Variants in TLR2 observed in about 807,000 individuals in gnomAD.
TLR2 encodes toll like receptor 2.
TLR2 carries 7 observed loss-of-function variants against 9.1 expected under a neutral mutation model. The observed-to-expected ratio is 0.77, with a 90% CI of 0.44 to 1.44. The LOEUF (loss-of-function observed/expected upper bound fraction) is 1.44, where lower values mean the gene tolerates loss of function less well. Among genes scored for constraint, TLR2 ranks in the 40% most tolerant of loss-of-function variants. The probability of loss-of-function intolerance (pLI) is 0.01; values close to 1 mark genes in which losing one functional copy is unlikely to be tolerated. For synonymous variants in TLR2, 317 were observed against 344.6 expected, an observed-to-expected ratio of 0.92 and a Z score of 0.89; for missense variants, 812 against 904.6, an observed-to-expected ratio of 0.90 and a Z score of 1.31.
intron 1 of TLR2, among the ~76,000 whole-genome samples, chr4:153,686,521 AAC>A (rs1462150819): frequency 6.6e-6 from 1 of 152,218 alleles, no homozygotes; most frequent in Non-Finnish European, 1.5e-5. Flanking sequence ...GTATAAAGTG[AAC>A]AGATGCAACC....
chr4:153,710,547 A>C (rs933087778), downstream of TLR2: 45 of 1,520,190 alleles, frequency 3.0e-5, no homozygotes, highest in Non-Finnish European at 3.9e-5. Flanking sequence ...AATATTCATA[A>C]ATGTCATTTG....
intron 1 of TLR2, among the ~76,000 whole-genome samples, chr4:153,686,845 C>T (rs1166114887): frequency 3.3e-5 from 5 of 151,990 alleles, no homozygotes; most frequent in Non-Finnish European, 7.4e-5. Flanking sequence ...AAAGAAAATG[C>T]GAACACAATG....
Position 153,703,825 on chromosome 4 carries a change from A to AGGTAAAGTG in TLR2, c.920_928dup (p.Gly307_Val309dup). 1.2e-6 allele frequency: 2 copies of AGGTAAAGTG among 1,614,044 alleles called. No individual in the cohort carries two copies. The highest frequency in any genetic ancestry group is 1.7e-6 in the Non-Finnish European group (2 of 1,179,960). On this transcript the variant is annotated inframe_insertion, in exon 3 of 3. Transcript: ENST00000642700. ...CTGATAATGACAGAGTTATAGATCCAGGTAAAGTGGAAACGTTAACAATCC... is the reference window on the plus strand; with the variant it reads ...CTGATAATGACAGAGTTATAGATCCAGGTAAAGTGGGTAAAGTGGAAACGTTAACAATCC...
chr4:153,706,292 C>T (rs1737328665), downstream of TLR2, among the ~76,000 whole-genome samples: 3 of 152,154 alleles, frequency 2.0e-5, no homozygotes, highest in Admixed American at 2.0e-4. Context: ...TCTTCCTCAG[C>T]CTCTAACTAC....
At chr4:153,708,398 CAAG>C (rs1737399392), downstream of TLR2, among the ~76,000 whole-genome samples, 1 of 152,172 alleles carries the variant, frequency 6.6e-6, no homozygotes. Flanking sequence ...ACTATAAGCT[CAAG>C]AATCTTGTTT....
Position 153,704,992 on chromosome 4 carries a change from G to A in TLR2, c.2085G>A (p.Lys695=). The change falls in exon 3 of 3, where the codon AAG becomes AAA. Residue 695 remains lysine (K), a synonymous_variant. Transcript: ENST00000642700. The part of the protein sequence containing the change: ...IIDNIIDSIE[K]SHKTVFVLSE... Reference sequence around the variant, plus strand: ...ACAATATCATTGACTCCATTGAAAAGAGCCACAAAACTGTCTTTGTGCTTT... The same window carrying A: ...ACAATATCATTGACTCCATTGAAAAAAGCCACAAAACTGTCTTTGTGCTTT... 6.2e-7 allele frequency: 1 copy of A among 1,613,384 alleles called. No individual in the cohort carries two copies. The highest frequency in any genetic ancestry group is 8.5e-7 in the Non-Finnish European group (1 of 1,180,036).
intron 2 of TLR2, among the ~76,000 whole-genome samples, chr4:153,695,133 TG>T (rs1187625510): frequency 6.6e-6 from 1 of 152,240 alleles, no homozygotes; most frequent in East Asian, 1.9e-4. Flanking sequence ...GCACTAAACA[TG>T]GGCGTGCAGA....
At chr4:153,689,804 C>T (rs1021127351) in intron 2 of TLR2, among the ~76,000 whole-genome samples, 1 of 152,202 alleles carries the variant, frequency 6.6e-6, no homozygotes, top group African/African-American at 2.4e-5. Flanking sequence ...TTAAATTACT[C>T]ATTGTGACTG....
intron 1 of TLR2, among the ~76,000 whole-genome samples, chr4:153,686,615 G>A (rs565378163): frequency 1.2e-4 from 19 of 152,102 alleles, no homozygotes; most frequent in Admixed American, 3.9e-4. Flanking sequence ...GTAGATAAAC[G>A]TTTCACTAAG....
Position 153,702,927 on chromosome 4 carries a change from T to C in TLR2, c.20T>C (p.Met7Thr), listed in dbSNP as rs112806599. The change falls in exon 3 of 3, where the codon ATG (methionine) becomes ACG (threonine). Residue 7 changes from methionine (M) to threonine (T), a missense_variant. Physicochemically the swap from Met to Thr is moderately conservative, Grantham distance 81 (BLOSUM62 -1). Transcript: ENST00000642700. MPHTLW[M>T]VWVLGVIISL... Reference sequence around the variant, plus strand: ...TGGACAATGCCACATACTTTGTGGATGGTGTGGGTCTTGGGGGTCATCATC... The same window carrying C: ...TGGACAATGCCACATACTTTGTGGACGGTGTGGGTCTTGGGGGTCATCATC... The C allele has an allele frequency of 2.5e-6, 4 of 1,611,020 alleles. No individual in the cohort carries two copies. The highest frequency in any genetic ancestry group is 3.4e-6 in the Non-Finnish European group (4 of 1,178,402).
rs749712374 is a variant in TLR2, at chr4:153,704,503, C to G, written c.1596C>G (p.Gly532=). Residue 532 remains glycine (G), a synonymous_variant, in exon 3 of 3, where the codon GGC becomes GGG. Transcript: ENST00000642700. The part of the protein sequence containing the change: ...FHTLKTLEAG[G]NNFICSCEFL... The stretch of plus-strand genomic sequence containing the variant: ...CACTGAAGACTTTGGAAGCTGGTGG[C>G]AATAACTTCATTTGCTCCTGTGAAT... 4.3e-6 allele frequency: 7 copies of G among 1,613,882 alleles called. No individual in the cohort carries two copies. The highest frequency in any genetic ancestry group is 5.9e-6 in the Non-Finnish European group (7 of 1,179,928).
At position 153,704,314 on chromosome 4, in the gene TLR2, C is replaced by G. The variant is rs1255015028; in HGVS notation, c.1407C>G (p.Leu469=). 2 of 1,613,672 alleles carry G rather than the reference C, an allele frequency of 1.2e-6. No homozygotes were observed. The highest frequency in any genetic ancestry group is 2.7e-5 in the African/African-American group (2 of 74,852). Residue 469 remains leucine, a synonymous_variant, in exon 3 of 3, where the codon CTC becomes CTG. Coordinates refer to ENST00000642700, the MANE Select transcript of TLR2 (RefSeq NM_001318789.2). ...TTTTAGATGTTAGCAACAACAATCT[C>G]AATTTATTTTCTTTGAATTTGCCGC... ...LEILDVSNNN[L]NLFSLNLPQL... is the part of the protein sequence containing the mutation.
At position 153,705,414 on chromosome 4, in the gene TLR2, C is replaced by T. The variant is rs1231765030; in HGVS notation, c.*152C>T. ...AAAACTACAAAACTTCAAATTTTGT[C>T]TGGGGTGCTGTTTTATAAACATATG... On this transcript the variant is annotated 3_prime_UTR_variant, in exon 3 of 3. Coordinates refer to ENST00000642700, the MANE Select transcript of TLR2 (RefSeq NM_001318789.2). The T allele has an allele frequency of 2.0e-5, 17 of 863,856 alleles. No homozygotes were observed. In the Middle Eastern group the frequency reaches 1.1e-3, roughly 57 times the overall value. The allele number at this position is 863,856 out of a possible 1,614,324, so 53.5% of individuals were successfully genotyped here.
chr4:153,704,606 C>T lies in TLR2; in HGVS notation c.1699C>T (p.Pro567Ser). Residue 567 changes from proline (P) to serine (S), a missense_variant, in exon 3 of 3, where the codon CCA becomes TCA. Transcript: ENST00000642700. ...DWPANYLCDSPSHVRGQQVQD... is the reference protein window; with the variant it reads ...DWPANYLCDSSSHVRGQQVQD... ...GCCAGCAAATTACCTGTGTGACTCT[C>T]CATCCCATGTGCGTGGCCAGCAGGT... 1 of 1,613,656 alleles carries T rather than the reference C, an allele frequency of 6.2e-7. No individual in the cohort carries two copies. The highest frequency in any genetic ancestry group is 8.5e-7 in the Non-Finnish European group (1 of 1,179,982).
downstream of TLR2, chr4:153,710,482 G>C: frequency 6.2e-7 from 1 of 1,608,736 alleles, no homozygotes; most frequent in Non-Finnish European, 8.5e-7. Flanking sequence ...AAATGTGTGC[G>C]CTCCCAGCTA....
At position 153,684,285 on chromosome 4, in the gene TLR2, G is replaced by C. The variant is rs1470725769; in HGVS notation, c.-238G>C. The stretch of plus-strand genomic sequence containing the variant: ...CTTACTTCCTAGTCCCGGGCAGGCC[G>C]GCTCGGAGGCAGCGAGAAAGCGCAG... On this transcript the variant is annotated 5_prime_UTR_variant, in exon 1 of 3. Transcript: ENST00000642700. 2 of 152,344 alleles carry C rather than the reference G, an allele frequency of 1.3e-5. No individual in the cohort carries two copies. The highest frequency in any genetic ancestry group is 2.9e-5 in the Non-Finnish European group (2 of 68,118). 9.4% of individuals were successfully genotyped at this position (152,344 alleles called of 1,614,324 possible). A position where few individuals can be genotyped will look rare whatever the true frequency, so the allele number is the denominator to read the frequency against.
In TLR2 at chr4:153,703,228, A is replaced by G; in HGVS notation, c.321A>G (p.Leu107=). The G allele has an allele frequency of 6.2e-7, 1 of 1,614,110 alleles. No homozygotes were observed. Among genetic ancestry groups the G allele is most frequent in the Non-Finnish European group, 8.5e-7 (1 of 1,179,990 alleles). Reference sequence around the variant, plus strand: ...TGGGCAGTCTTGAACATTTAGACTTATCCTATAATTACTTATCTAATTTAT... The same window carrying G: ...TGGGCAGTCTTGAACATTTAGACTTGTCCTATAATTACTTATCTAATTTAT... ...SSLGSLEHLD[L]SYNYLSNLSS... The change falls in exon 3 of 3, where the codon TTA becomes TTG. Residue 107 remains leucine (L), a synonymous_variant. Coordinates refer to ENST00000642700, the MANE Select transcript of TLR2 (RefSeq NM_001318789.2).
At chr4:153,710,252 C>A, downstream of TLR2, 1 of 777,738 alleles carries the variant, frequency 1.3e-6, no homozygotes, top group Non-Finnish European at 1.9e-6. Context: ...TGCTTGACAA[C>A]AAAGTTTACT....
At position 153,698,233 on chromosome 4, in the gene TLR2, A is replaced by G. The variant is rs72731639; in HGVS notation, c.-16-4659A>G. Among the ~76,000 whole-genome samples, 682 of 152,304 alleles carry G rather than the reference A, an allele frequency of 4.5e-3. 1 individual carries two copies. Among genetic ancestry groups the G allele is most frequent in the Non-Finnish European group, 7.1e-3 (480 of 68,012 alleles). ...GCAAAGAAGTGGATTGGTTCATAAA[A>G]CTGCCAACCCAACATGAAGCAGAAT... On this transcript the variant is annotated intron_variant, in intron 2 of 2. Coordinates refer to ENST00000642700, the MANE Select transcript of TLR2 (RefSeq NM_001318789.2).
Sources: allele counts gnomAD v4.1 joint callset (sites outside exome capture counted in the v4.1 genomes callset), GRCh38; gene constraint gnomAD v4.1.1; transcripts MANE v1.5; gene names NCBI Gene and HGNC (gene_info 2026-07-23, HGNC 2026-07-21).